ELOVL2: variants seen among roughly 807,000 people sequenced by gnomAD.
ELOVL2 encodes the protein ELOVL fatty acid elongase 2, also known as very long chain fatty acid elongase 2.
A neutral mutation model predicts 37.7 loss-of-function variants in ELOVL2; 38 were observed. The observed-to-expected ratio is 1.01, with a 90% CI of 0.78 to 1.32. The LOEUF (loss-of-function observed/expected upper bound fraction) is 1.32. ELOVL2 is among the 40% of genes most tolerant of loss of function. The pLI, the probability that ELOVL2 is intolerant of heterozygous loss-of-function variation, is 0.00. For missense variants in ELOVL2, 352 were observed against 363.6 expected (o/e 0.97, Z 0.26); for synonymous variants, 115 against 122.3 (o/e 0.94, Z 0.40).
intron 7 of ELOVL2, among the ~76,000 whole-genome samples, chr6:10,984,264 C>T (rs1308728150): frequency 5.3e-5 from 8 of 152,128 alleles, no homozygotes; most frequent in African/African-American, 1.4e-4. Context: ...ATGATCCACC[C>T]GCCTCGGCCT....
Position 10,983,832 on chromosome 6 carries a change from G to C in ELOVL2, c.840C>G (p.Ser280=), listed in dbSNP as rs764772741. The change falls in exon 8 of 8, where the codon TCC becomes TCG. Residue 280 remains serine, a synonymous_variant. Transcript: ENST00000354666. The part of the protein sequence containing the change: ...PAGKEVKNGF[S]KAYFTAANGV... ...CATTTGCTGCAGTGAAGTAGGCTTT[G>C]GAAAAACCATTCTTCACTTCTTTCC... The C allele has an allele frequency of 2.5e-6, 4 of 1,613,518 alleles. No individual in the cohort carries two copies. Among genetic ancestry groups the C allele is most frequent in the Non-Finnish European group, 2.5e-6 (3 of 1,179,868 alleles).
chr6:11,021,252 G>A (rs1443921209), intron 1 of ELOVL2, among the ~76,000 whole-genome samples: 1 of 152,172 alleles, frequency 6.6e-6, no homozygotes, highest in Admixed American at 6.5e-5. Flanking sequence ...CCCTCTGCCT[G>A]GATATGCCTC....
intron 1 of ELOVL2, among the ~76,000 whole-genome samples, chr6:11,017,414 C>A (rs560832659): frequency 6.6e-6 from 1 of 152,120 alleles, no homozygotes; most frequent in East Asian, 1.9e-4. Flanking sequence ...ATGATCTCTG[C>A]GGATCTCAAG....
At chr6:11,016,464 TA>T (rs751782805) in intron 1 of ELOVL2, among the ~76,000 whole-genome samples, 3 of 152,072 alleles carry the variant, frequency 2.0e-5, no homozygotes, top group Non-Finnish European at 4.4e-5. Context: ...CATTTCAGAG[TA>T]AACTAAATGT....
chr6:11,013,075 G>A (rs1209439968), intron 1 of ELOVL2, among the ~76,000 whole-genome samples: 1 of 152,202 alleles, frequency 6.6e-6, no homozygotes, highest in Non-Finnish European at 1.5e-5. Flanking sequence ...GAACACATCA[G>A]AAAGAAAGAT....
chr6:11,035,354 C>T (rs977687730), intron 1 of ELOVL2, among the ~76,000 whole-genome samples: 2 of 152,238 alleles, frequency 1.3e-5, no homozygotes, highest in African/African-American at 4.8e-5. Context: ...TAGGCCCCTC[C>T]TCAGAGATTC....
intron 2 of ELOVL2, among the ~76,000 whole-genome samples, chr6:11,007,662 A>C (rs573325205): frequency 6.6e-6 from 1 of 152,312 alleles, no homozygotes; most frequent in African/African-American, 2.4e-5. Context: ...AAACAAACAC[A>C]CATGGTTTAG....
intron 3 of ELOVL2, among the ~76,000 whole-genome samples, chr6:11,003,747 T>G (rs1782429640): frequency 6.6e-6 from 1 of 152,182 alleles, no homozygotes; most frequent in Non-Finnish European, 1.5e-5. Context: ...AATGGTCCTT[T>G]CAGTGTCAAG....
At chr6:11,030,349 C>G (rs1179366972) in intron 1 of ELOVL2, among the ~76,000 whole-genome samples, 2 of 152,174 alleles carry the variant, frequency 1.3e-5, no homozygotes, top group Non-Finnish European at 2.9e-5. Context: ...GACCTCTGAT[C>G]TGGGACTCCA....
intron 1 of ELOVL2, among the ~76,000 whole-genome samples, chr6:11,018,960 T>G (rs1368657090): frequency 2.0e-5 from 3 of 152,190 alleles, no homozygotes; most frequent in Admixed American, 6.5e-5. Flanking sequence ...CTGGGCTACT[T>G]GTGTTTTACC....
At chr6:11,041,746 T>G (rs1354065540) in intron 1 of ELOVL2, among the ~76,000 whole-genome samples, 1 of 152,092 alleles carries the variant, frequency 6.6e-6, no homozygotes, top group East Asian at 1.9e-4. Context: ...TTATGTAAAT[T>G]TTATTAAACA....
At chr6:11,040,113 T>C (rs555085491) in intron 1 of ELOVL2, among the ~76,000 whole-genome samples, 3 of 152,018 alleles carry the variant, frequency 2.0e-5, no homozygotes, top group South Asian at 2.1e-4. Flanking sequence ...ACAAACAATA[T>C]AAAATAAAAA....
chr6:11,026,479 G>C (rs1399277176), intron 1 of ELOVL2, among the ~76,000 whole-genome samples: 3 of 152,022 alleles, frequency 2.0e-5, no homozygotes, highest in Admixed American at 6.6e-5. Context: ...TGATCCTTCT[G>C]GGCTATAACA....
At chr6:11,018,271 G>A (rs951314207) in intron 1 of ELOVL2, among the ~76,000 whole-genome samples, 2 of 151,978 alleles carry the variant, frequency 1.3e-5, no homozygotes, top group East Asian at 3.9e-4. Context: ...TTTCTATTTA[G>A]TCATCCTAGG....
rs138454355 is a variant in ELOVL2, at chr6:11,042,528, T to C, written c.3+1700A>G. 3.3e-5 allele frequency among the ~76,000 whole-genome samples: 5 copies of C among 152,176 alleles called. No homozygotes were observed. In the East Asian group the frequency reaches 7.7e-4, roughly 24 times the overall value. On this transcript the variant is annotated intron_variant, in intron 1 of 7. Coordinates refer to ENST00000354666, the MANE Select transcript of ELOVL2 (RefSeq NM_017770.4). ...AGCTAAAGAGATTTCCTTGGACTTA[T>C]TCCCTTACTCACTACAATTCCTACC... is the stretch of plus-strand genomic sequence containing the variant.
In ELOVL2 at chr6:11,042,147, T is replaced by C. The variant is rs192630809; in HGVS notation, c.3+2081A>G. 1.8e-3 allele frequency among the ~76,000 whole-genome samples: 279 copies of C among 152,228 alleles called. 6 individuals carry two copies. The highest frequency in any genetic ancestry group is 0.015 in the Admixed American group (237 of 15,294). On this transcript the variant is annotated intron_variant, in intron 1 of 7. Coordinates refer to ENST00000354666, the MANE Select transcript of ELOVL2 (RefSeq NM_017770.4). ...GGACAACATGGTGAAACTCTGTCTCTACCAAAAATACACAGATTGGCCTGG... is the reference window on the plus strand; with the variant it reads ...GGACAACATGGTGAAACTCTGTCTCCACCAAAAATACACAGATTGGCCTGG...
At chr6:11,025,815 C>T (rs1253552762) in intron 1 of ELOVL2, among the ~76,000 whole-genome samples, 3 of 152,142 alleles carry the variant, frequency 2.0e-5, no homozygotes, top group Admixed American at 6.5e-5. Flanking sequence ...GAAGTCTTCA[C>T]CCAGTTTTAG....
chr6:11,011,863 AGAG>A (rs1313868324), intron 1 of ELOVL2, among the ~76,000 whole-genome samples: 5 of 152,312 alleles, frequency 3.3e-5, no homozygotes, highest in Admixed American at 6.5e-5. Context: ...TCAAGCAACC[AGAG>A]GAGAAGTCAG....
intron 4 of ELOVL2, among the ~76,000 whole-genome samples, chr6:10,998,820 T>C (rs1395536155): frequency 6.6e-6 from 1 of 152,242 alleles, no homozygotes; most frequent in Non-Finnish European, 1.5e-5. Context: ...TGTACTGGGT[T>C]GTCATAGACT....
Sources: allele counts gnomAD v4.1 joint callset (sites outside exome capture counted in the v4.1 genomes callset), GRCh38; gene constraint gnomAD v4.1.1; transcripts MANE v1.5; gene names NCBI Gene and HGNC (gene_info 2026-07-23, HGNC 2026-07-21).